POLRMT: variants seen among roughly 807,000 people sequenced by gnomAD.
The protein encoded by POLRMT is DNA-directed RNA polymerase, mitochondrial.
A neutral mutation model predicts 132.2 loss-of-function variants in POLRMT; 114 were observed. The ratio of observed to expected loss-of-function variants is 0.86; its 90% CI spans 0.74 to 1.01. The LOEUF is 1.01. Among genes scored for constraint, POLRMT ranks in the 50% least tolerant of loss-of-function variants. The pLI is 0.00. For missense variants in POLRMT, 2,003 were observed against 1,729.1 expected, an observed-to-expected ratio of 1.16 and a Z score of -2.81; for synonymous variants, 1,020 against 773.4, an observed-to-expected ratio of 1.32 and a Z score of -5.29.
Position 622,563 on chromosome 19 carries a change from GA to G in POLRMT, c.1626+18del. 3.8e-6 allele frequency: 6 copies of G among 1,585,446 alleles called. No homozygotes were observed. The highest frequency in any genetic ancestry group is 5.1e-6 in the Non-Finnish European group (6 of 1,165,260). On this transcript the variant is annotated intron_variant, in intron 8 of 20. Coordinates refer to ENST00000588649, the MANE Select transcript of POLRMT (RefSeq NM_005035.4). ...CCACCACTGGCCCCAGCCAGGAGGA[GA>G]GGGGGTGCGAGCCTCACCTCGGCGT...
intron 5 of POLRMT, 87 bp downstream of exon 5, chr19:624,632 G>A: frequency 7.0e-7 from 1 of 1,436,610 alleles, no homozygotes; most frequent in Non-Finnish European, 9.4e-7. Flanking sequence ...GGGCACCGGG[G>A]AGGCCCATTG....
In POLRMT at chr19:625,045, CCAGCCCA is replaced by C. The variant is rs750107775; in HGVS notation, c.953+72_953+78del. 1.2e-3 allele frequency: 1,845 copies of C among 1,535,992 alleles called. 1 individual carries two copies. Among genetic ancestry groups the C allele is most frequent in the Non-Finnish European group, 1.4e-3 (1,642 of 1,139,858 alleles). ...CAGGCCCTCTGGGGGTCCCCAGCCC[CCAGCCCA>C]GGCACCGTCCCAGATCTTAAAACCC... On this transcript the variant is annotated intron_variant, in intron 4 of 20. Transcript: ENST00000588649.
rs781621871 is a variant in POLRMT at position 629,588 on chromosome 19, C to T, written c.774G>A (p.Leu258=). The T allele has an allele frequency of 1.6e-5, 25 of 1,593,478 alleles. No individual in the cohort carries two copies. In the Admixed American group the frequency reaches 3.5e-4, roughly 22 times the overall value. Residue 258 remains leucine, a synonymous_variant, in exon 3 of 21, where the codon CTG becomes CTA. Coordinates refer to ENST00000588649, the MANE Select transcript of POLRMT (RefSeq NM_005035.4). ...CGGCGTTGTACATGTCCAGCGTGAG[C>T]AGCTTCCGCTTCTGCCGCTGGCCGT... ...VHHGQRQKRK[L]LTLDMYNAVM... is the part of the protein sequence containing the mutation.
Position 618,503 on chromosome 19 carries a change from G to A in POLRMT, c.3407C>T (p.Ala1136Val), listed in dbSNP as rs1302176588. 28 of 1,611,682 alleles carry A rather than the reference G, an allele frequency of 1.7e-5. No individual in the cohort carries two copies. The highest frequency in any genetic ancestry group is 2.4e-5 in the Non-Finnish European group (28 of 1,178,340). ...AGACGCCCACCTGTAGCAGTGCAGGGCGGTGAGCATCATGTGGGAGGAGTC... is the reference window on the plus strand; with the variant it reads ...AGACGCCCACCTGTAGCAGTGCAGGACGGTGAGCATCATGTGGGAGGAGTC... ...SLDSSHMMLT[A>V]LHCYRKGLTF... Residue 1136 changes from alanine to valine, a missense_variant, in exon 17 of 21, where the codon GCC becomes GTC. Transcript: ENST00000588649.
intron 3 of POLRMT, among the ~76,000 whole-genome samples, chr19:628,522 T>C (rs560736262): frequency 6.6e-6 from 1 of 152,318 alleles, no homozygotes; most frequent in South Asian, 2.1e-4. Context: ...CTACCACGAA[T>C]TGGTCTTAAT....
At position 618,475 on chromosome 19, in the gene POLRMT, C is replaced by A; in HGVS notation, c.3422+13G>T. Reference sequence around the variant, plus strand: ...GGAGGCGAGCGGCACCCACGCCGTCCGGAGACGCCCACCTGTAGCAGTGCA... The same window carrying A: ...GGAGGCGAGCGGCACCCACGCCGTCAGGAGACGCCCACCTGTAGCAGTGCA... On this transcript the variant is annotated intron_variant, in intron 17 of 20. Transcript: ENST00000588649. The A allele has an allele frequency of 6.3e-7, 1 of 1,582,812 alleles. No individual in the cohort carries two copies. Among genetic ancestry groups the A allele is most frequent in the Non-Finnish European group, 8.6e-7 (1 of 1,157,624 alleles).
Position 623,457 on chromosome 19 carries a change from G to C in POLRMT, c.1287C>G (p.His429Gln). The C allele has an allele frequency of 6.2e-7, 1 of 1,611,480 alleles. No individual in the cohort carries two copies. Among genetic ancestry groups the C allele is most frequent in the Non-Finnish European group, 8.5e-7 (1 of 1,179,822 alleles). ...KPTLPSKEVK[H>Q]ARKTLKTLRD... ...GGGACCCCGGCTCAGCCCCTACCGC[G>C]TGCTTGACCTCCTTGCTTGGCAACG... The change falls in exon 6 of 21, where the codon CAC becomes CAG. Residue 429 changes from histidine to glutamine, a missense_variant. Coordinates refer to ENST00000588649, the MANE Select transcript of POLRMT (RefSeq NM_005035.4).
chr19:622,557 G>GGAGGA, intron 8 of POLRMT, 25 bp downstream of exon 8: 1 of 1,578,584 alleles, frequency 6.3e-7, no homozygotes, highest in South Asian at 1.2e-5. Context: ...GCCCCAGCCA[G>GGAGGA]GAGGAGAGGG....
intron 3 of POLRMT, among the ~76,000 whole-genome samples, chr19:629,198 G>C (rs1310389197): frequency 6.6e-6 from 1 of 151,988 alleles, no homozygotes; most frequent in Admixed American, 6.6e-5. Flanking sequence ...ACCAGAAAAA[G>C]GAGCAAAGTC....
intron 17 of POLRMT, 148 bp downstream of exon 17, chr19:618,340 A>G: frequency 1.5e-6 from 1 of 645,636 alleles, no homozygotes; most frequent in Non-Finnish European, 2.6e-6. Flanking sequence ...ACACAGCCTC[A>G]GGGCCTCTAC....
At chr19:620,586 C>A in intron 10 of POLRMT, 99 bp from the exon 11 acceptor site, 9 of 1,384,704 alleles carry the variant, frequency 6.5e-6, no homozygotes, top group Non-Finnish European at 8.6e-6. Context: ...GGAGGAGACG[C>A]ACACCCGTGA....
At chr19:633,276 C>G in intron 1 of POLRMT, 149 bp downstream of exon 1, 1 of 1,011,874 alleles carries the variant, frequency 9.9e-7, no homozygotes, top group Non-Finnish European at 1.3e-6. Context: ...GAAAAGCGGG[C>G]AAGGGCGAGT....
rs140649984 is a variant in POLRMT, at chr19:630,130, C to A, written c.232G>T (p.Val78Leu). The A allele has an allele frequency of 1.9e-6, 3 of 1,607,520 alleles. No individual in the cohort carries two copies. Among genetic ancestry groups the A allele is most frequent in the South Asian group, 2.2e-5 (2 of 90,632 alleles). ...ACCCTGTTCACCACCACCTCCGACA[C>A]GCTCTCAGCCTGCAGCTGCCGCACC... ...ARVRQLQAES[V>L]SEVVVNRVDV... Residue 78 changes from valine (V) to leucine (L), a missense_variant, in exon 3 of 21, where the codon GTG (valine) becomes TTG (leucine). By Grantham distance (32) the Val-to-Leu change is conservative (BLOSUM62 1). Transcript: ENST00000588649.
rs895887309 is a variant in POLRMT at position 630,162 on chromosome 19, T to G, written c.200A>C (p.Gln67Pro). 1 of 1,590,870 alleles carries G rather than the reference T, an allele frequency of 6.3e-7. No homozygotes were observed. The highest frequency in any genetic ancestry group is 8.6e-7 in the Non-Finnish European group (1 of 1,167,220). The change falls in exon 3 of 21, where the codon CAG (glutamine) becomes CCG (proline). Residue 67 changes from glutamine (Q) to proline (P), a missense_variant. Coordinates refer to ENST00000588649, the MANE Select transcript of POLRMT (RefSeq NM_005035.4). The stretch of plus-strand genomic sequence containing the variant: ...AGCCTGCAGCTGCCGCACCCGCGCC[T>G]GGAGCACTGTGAGGGGCAGAAGGCG... The part of the protein sequence containing the change: ...WGHVELLEVL[Q>P]ARVRQLQAES...
At chr19:624,603 C>T (rs1053650221) in intron 5 of POLRMT, 116 bp downstream of exon 5, 4 of 1,201,676 alleles carry the variant, frequency 3.3e-6, no homozygotes, top group Non-Finnish European at 3.4e-6. Context: ...GAATTCAGGG[C>T]CCAGCCCAGG....
rs760693805 is a variant in POLRMT, at chr19:629,717, C to A, written c.645G>T (p.Ser215=). ...DVEQAPSGQH[S]QAQLSGQQQR... is the part of the protein sequence containing the mutation. The stretch of plus-strand genomic sequence containing the variant: ...GCTGCTGACCTGAGAGCTGGGCCTG[C>A]GAGTGCTGCCCCGACGGGGCCTGCT... Residue 215 remains serine, a synonymous_variant, in exon 3 of 21, where the codon TCG becomes TCT. Transcript: ENST00000588649. 3.8e-6 allele frequency: 6 copies of A among 1,592,548 alleles called. No individual in the cohort carries two copies. Among genetic ancestry groups the A allele is most frequent in the Non-Finnish European group, 3.4e-6 (4 of 1,170,442 alleles).
intron 3 of POLRMT, among the ~76,000 whole-genome samples, chr19:627,985 C>G (rs889598150): frequency 4.0e-5 from 6 of 151,286 alleles, no homozygotes; most frequent in African/African-American, 1.5e-4. Flanking sequence ...TGCTGAAACC[C>G]CACCTCTACT....
rs1984511643 is a variant in POLRMT at position 620,964 on chromosome 19, AGGGGGCGCGGGGGCGCCGGGG to A, written c.2640+73_2640+93del. The A allele has an allele frequency of 6.8e-6, 3 of 443,762 alleles. 1 individual carries two copies. The highest frequency in any genetic ancestry group is 8.3e-5 in the African/African-American group (1 of 12,106). The allele number at this position is 443,762 out of a possible 1,614,324, so 27.5% of individuals were successfully genotyped here. A position where few individuals can be genotyped will look rare whatever the true frequency, so the allele number is the denominator to read the frequency against. The stretch of plus-strand genomic sequence containing the variant: ...GGGGGAGGGGAGGAGGAAGACGGGC[AGGGGGCGCGGGGGCGCCGGGG>A]GAGGGCGCGGGGGCGCCGGGGGAGG... On this transcript the variant is annotated intron_variant, in intron 10 of 20. Transcript: ENST00000588649.
At position 633,498 on chromosome 19, in the gene POLRMT, G is replaced by C. The variant is rs757328350; in HGVS notation, c.15C>G (p.Cys5Trp). The change falls in exon 1 of 21, where the codon TGC becomes TGG. Residue 5 changes from cysteine to tryptophan, a missense_variant. Physicochemically the swap from Cys to Trp is radical, Grantham distance 215. Coordinates refer to ENST00000588649, the MANE Select transcript of POLRMT (RefSeq NM_005035.4). Reference sequence around the variant, plus strand: ...TGAGCCCCGCCGCTCCGCGGCCCCAGCAAAGTGCCGACATTACGCACGCCG... The same window carrying C: ...TGAGCCCCGCCGCTCCGCGGCCCCACCAAAGTGCCGACATTACGCACGCCG... MSAL[C>W]WGRGAAGLKR... 3.7e-6 allele frequency: 5 copies of C among 1,347,464 alleles called. No homozygotes were observed. The East Asian group carries it at 1.1e-4, about 29-fold the overall frequency. 83.5% of individuals were successfully genotyped at this position (1,347,464 alleles called of 1,614,324 possible). A position where few individuals can be genotyped will look rare whatever the true frequency, so the allele number is the denominator to read the frequency against.
Sources: gnomAD v4.1 joint callset for allele counts (sites outside exome capture counted in the v4.1 genomes callset) on GRCh38, gnomAD v4.1.1 for gene constraint, MANE v1.5 for transcripts, NCBI Gene and HGNC (gene_info 2026-07-23, HGNC 2026-07-21) for gene names.